PDE10A: variants seen among roughly 807,000 people sequenced by gnomAD.
PDE10A encodes cAMP and cAMP-inhibited cGMP 3',5'-cyclic phosphodiesterase 10A.
Under a neutral mutation model 97.7 loss-of-function variants are expected in PDE10A, and 39 were observed. The observed-to-expected ratio is 0.40, with a 90% confidence interval of 0.31 to 0.52. The LOEUF (loss-of-function observed/expected upper bound fraction) is 0.52, where lower values mean the gene tolerates loss of function less well. PDE10A is among the 20% of genes least tolerant of loss of function. The pLI is 0.56. For missense variants in PDE10A, 731 were observed against 1,047.8 expected (o/e 0.70, Z 4.17); for synonymous variants, 371 against 376.8 (o/e 0.98, Z 0.18).
chr6:165,664,767 C>T (rs1187002952), upstream of PDE10A, among the ~76,000 whole-genome samples: 1 of 152,218 alleles, frequency 6.6e-6, no homozygotes, highest in Non-Finnish European at 1.5e-5. Context: ...GGGCTGCCCA[C>T]ACATTTAGGG....
At chr6:165,645,251 C>CG (rs1562654836) in intron 1 of PDE10A, among the ~76,000 whole-genome samples, 2 of 152,168 alleles carry the variant, frequency 1.3e-5, no homozygotes, top group Non-Finnish European at 1.5e-5. Context: ...TCCTCCTGAG[C>CG]GGGGGCCTGC....
chr6:165,565,843 T>G (rs543689), intron 1 of PDE10A, among the ~76,000 whole-genome samples: 91,466 of 152,062 alleles, frequency 0.6, 32,004 homozygotes, highest in Non-Finnish European at 0.78. Flanking sequence ...AAATACTCTT[T>G]TCAACAAATA....
intron 1 of PDE10A, among the ~76,000 whole-genome samples, chr6:165,770,845 G>A (rs2128459816): frequency 6.6e-6 from 1 of 152,332 alleles, no homozygotes; most frequent in East Asian, 1.9e-4. Context: ...AGGCTTCGCT[G>A]GCCTGTCCCC....
At chr6:165,432,370 A>G (rs1789641555) in intron 7 of PDE10A, among the ~76,000 whole-genome samples, 1 of 152,138 alleles carries the variant, frequency 6.6e-6, no homozygotes, top group South Asian at 2.1e-4. Flanking sequence ...GAAAAAATGC[A>G]AAGGCCTCAG....
intron 1 of PDE10A, among the ~76,000 whole-genome samples, chr6:165,549,876 T>G (rs1463299125): frequency 6.6e-6 from 1 of 152,190 alleles, no homozygotes; most frequent in Non-Finnish European, 1.5e-5. Context: ...AGAAAGAATG[T>G]TAAATTAGTA....
chr6:165,541,088 T>C (rs1783410101), intron 2 of PDE10A, among the ~76,000 whole-genome samples: 1 of 152,176 alleles, frequency 6.6e-6, no homozygotes. Context: ...ATAAACACTC[T>C]CAGAAGACAG....
intron 1 of PDE10A, among the ~76,000 whole-genome samples, chr6:165,725,173 A>G (rs566791129): frequency 2.0e-5 from 3 of 152,190 alleles, no homozygotes; most frequent in Non-Finnish European, 2.9e-5. Flanking sequence ...CCACCACTCA[A>G]TAAAACCTCA....
At chr6:165,551,273 C>T (rs1226318683) in intron 1 of PDE10A, among the ~76,000 whole-genome samples, 1 of 152,196 alleles carries the variant, frequency 6.6e-6, no homozygotes, top group African/African-American at 2.4e-5. Flanking sequence ...CAAAATTCAA[C>T]TTCATACACC....
At chr6:165,802,090 A>C (rs905682052) in intron 1 of PDE10A, among the ~76,000 whole-genome samples, 7 of 152,222 alleles carry the variant, frequency 4.6e-5, no homozygotes, top group Non-Finnish European at 7.3e-5. Flanking sequence ...CCTGAGTCCA[A>C]AAGTCACAAA....
intron 1 of PDE10A, among the ~76,000 whole-genome samples, chr6:165,952,799 A>G (rs1784009101): frequency 1.3e-5 from 2 of 151,818 alleles, no homozygotes; most frequent in Admixed American, 1.3e-4. Flanking sequence ...GGCTCCATCC[A>G]CTTTGCTTAA....
chr6:165,837,093 A>T (rs1273908987), intron 1 of PDE10A, among the ~76,000 whole-genome samples: 1 of 150,480 alleles, frequency 6.6e-6, no homozygotes, highest in Non-Finnish European at 1.5e-5. Flanking sequence ...AGATATACCT[A>T]ATGCTAGATG....
chr6:165,541,781 A>G (rs1783454443), intron 2 of PDE10A, among the ~76,000 whole-genome samples: 1 of 152,176 alleles, frequency 6.6e-6, no homozygotes, highest in Admixed American at 6.5e-5. Flanking sequence ...TTGAGAAGAC[A>G]ATGCCTGTTT....
chr6:165,578,150 G>C (rs527316370), intron 1 of PDE10A, among the ~76,000 whole-genome samples: 12 of 152,302 alleles, frequency 7.9e-5, no homozygotes, highest in African/African-American at 2.9e-4. Context: ...TCGTCCAGAT[G>C]CTCAGGGCGG....
At chr6:165,917,358 C>G (rs542552525) in intron 1 of PDE10A, among the ~76,000 whole-genome samples, 1 of 152,292 alleles carries the variant, frequency 6.6e-6, no homozygotes, top group East Asian at 1.9e-4. Flanking sequence ...CAACCCCGGT[C>G]TAGAAGGCAC....
At chr6:165,599,614 T>C (rs1786814933) in intron 1 of PDE10A, among the ~76,000 whole-genome samples, 1 of 152,178 alleles carries the variant, frequency 6.6e-6, no homozygotes, top group Non-Finnish European at 1.5e-5. Context: ...AGCCTCAGGG[T>C]CTTTAAACAG....
At chr6:165,534,768 C>T (rs1422527797) in intron 2 of PDE10A, among the ~76,000 whole-genome samples, 1 of 152,002 alleles carries the variant, frequency 6.6e-6, no homozygotes, top group Non-Finnish European at 1.5e-5. Flanking sequence ...TAAAAACGCT[C>T]AGCAAACTGG....
At chr6:165,664,653 C>T (rs886707703), upstream of PDE10A, among the ~76,000 whole-genome samples, 66 of 152,204 alleles carry the variant, frequency 4.3e-4, no homozygotes, top group African/African-American at 1.4e-3. Context: ...TGCCGGCAGC[C>T]TCCCGGCTTG....
chr6:165,397,849 A>G (rs773022062), intron 13 of PDE10A, among the ~76,000 whole-genome samples: 19 of 152,196 alleles, frequency 1.2e-4, no homozygotes, highest in Non-Finnish European at 2.1e-4. Flanking sequence ...TTTGATTGTG[A>G]AAACCTTATC....
intron 1 of PDE10A, among the ~76,000 whole-genome samples, chr6:165,675,983 C>T (rs894733184): frequency 1.3e-5 from 2 of 152,098 alleles, no homozygotes; most frequent in Non-Finnish European, 2.9e-5. Context: ...ATGGAATCAC[C>T]CTAAGTGTCC....
Sources: allele counts gnomAD v4.1 joint callset (sites outside exome capture counted in the v4.1 genomes callset), GRCh38; gene constraint gnomAD v4.1.1; transcripts MANE v1.5; gene names NCBI Gene and HGNC (gene_info 2026-07-23, HGNC 2026-07-21).